Variants in GTF2IRD2 observed in about 807,000 individuals in gnomAD.
GTF2IRD2 encodes GTF2I repeat domain containing 2.
Under a neutral mutation model 49.2 loss-of-function variants are expected in GTF2IRD2, and 8 were observed. The observed-to-expected ratio is 0.16, with a 90% CI of 0.10 to 0.29. GTF2IRD2 has a LOEUF of 0.29. Among genes scored for constraint, GTF2IRD2 ranks in the 10% least tolerant of loss-of-function variants. GTF2IRD2 has a pLI of 1.00. For missense variants in GTF2IRD2, 130 were observed against 725.7 expected, an observed-to-expected ratio of 0.18 and a Z score of 9.43; for synonymous variants, 47 against 289.7, an observed-to-expected ratio of 0.16 and a Z score of 8.51.
chr7:74,842,644 G>C (rs1160577221), intron 1 of GTF2IRD2, among the ~76,000 whole-genome samples: 1 of 143,312 alleles, frequency 7.0e-6, no homozygotes, highest in African/African-American at 2.7e-5. Flanking sequence ...CTGTAGCCTT[G>C]ACCTCCTGGG....
chr7:74,829,720 C>CAA (rs1156848156), intron 3 of GTF2IRD2, among the ~76,000 whole-genome samples: 10 of 88,294 alleles, frequency 1.1e-4, no homozygotes, highest in African/African-American at 4.3e-4. Flanking sequence ...TCTCAAAATA[C>CAA]AAAAAAAAAA....
At chr7:74,831,227 C>T (rs1554420338) in intron 3 of GTF2IRD2, among the ~76,000 whole-genome samples, 1 of 150,626 alleles carries the variant, frequency 6.6e-6, no homozygotes, top group Non-Finnish European at 1.5e-5. Flanking sequence ...TCTATCCATT[C>T]ATCTAATCTA....
chr7:74,829,747 G>C (rs1313343641), intron 3 of GTF2IRD2, among the ~76,000 whole-genome samples: 32 of 150,800 alleles, frequency 2.1e-4, no homozygotes, highest in Non-Finnish European at 4.4e-4. Context: ...AATTAGCTGG[G>C]CATGGTGGCA....
intron 3 of GTF2IRD2, among the ~76,000 whole-genome samples, chr7:74,825,760 G>A (rs587612661): frequency 7.1e-4 from 106 of 149,994 alleles, no homozygotes; most frequent in African/African-American, 2.5e-3. Flanking sequence ...TTTTTTTTTT[G>A]TATCAATGTA....
chr7:74,842,216 A>AT (rs1156571491), intron 1 of GTF2IRD2, among the ~76,000 whole-genome samples: 2 of 128,100 alleles, frequency 1.6e-5, no homozygotes, highest in South Asian at 2.7e-4. Flanking sequence ...AGTACACTTT[A>AT]TTTTTTTTAA....
chr7:74,831,062 C>T lies in GTF2IRD2; in HGVS notation c.238+1743G>A, dbSNP rs587636443. Among the ~76,000 whole-genome samples the T allele has an allele frequency of 9.4e-5, 14 of 148,952 alleles. No individual in the cohort carries two copies. The East Asian group carries it at 2.6e-3, about 27-fold the overall frequency. On this transcript the variant is annotated intron_variant, in intron 3 of 15. Transcript: ENST00000451013. The stretch of plus-strand genomic sequence containing the variant: ...CTGACATTAATGAATTGAGAATACC[C>T]TTCTTGTGTATCAATTACATACTGT...
chr7:74,823,179 GT>G (rs1239366851), intron 4 of GTF2IRD2, among the ~76,000 whole-genome samples: 1 of 48,344 alleles, frequency 2.1e-5, no homozygotes. Flanking sequence ...GCCCAGCCTA[GT>G]TTTTTTTGTT....
rs1488631016 is a variant in GTF2IRD2 at position 74,829,894 on chromosome 7, A to AC, written c.238+2910_238+2911insG. On this transcript the variant is annotated intron_variant, in intron 3 of 15. Transcript: ENST00000451013. ...TAGAGCGAGATTCTGTCTCAAAAAA[A>AC]AAAAAAAATTCATATGGAACACCAA... is the stretch of plus-strand genomic sequence containing the variant. 5.6e-3 allele frequency among the ~76,000 whole-genome samples: 816 copies of AC among 144,828 alleles called. 18 individuals carry two copies. Among genetic ancestry groups the AC allele is most frequent in the Middle Eastern group, 0.014 (4 of 282 alleles).
At chr7:74,822,048 T>G in intron 6 of GTF2IRD2, 1 of 347,678 alleles carries the variant, frequency 2.9e-6, no homozygotes, top group Non-Finnish European at 5.5e-6. Context: ...AAATTCAAGT[T>G]TTGTTTTTTT....
chr7:74,831,543 A>ACACACACACACC (rs1204677476), intron 3 of GTF2IRD2, among the ~76,000 whole-genome samples: 11 of 140,896 alleles, frequency 7.8e-5, no homozygotes, highest in African/African-American at 2.8e-4. Context: ...ACACACACAC[A>ACACACACACACC]CCCTTATACC....
intron 8 of GTF2IRD2, among the ~76,000 whole-genome samples, chr7:74,818,458 C>CTTTT (rs782068970): frequency 7.7e-6 from 1 of 129,488 alleles, no homozygotes; most frequent in African/African-American, 3.0e-5. Flanking sequence ...CTCTCTCTCT[C>CTTTT]TTTTTTTTTT....
chr7:74,842,527 A>G (rs1392638688), intron 1 of GTF2IRD2, among the ~76,000 whole-genome samples: 1 of 142,116 alleles, frequency 7.0e-6, no homozygotes, highest in Non-Finnish European at 1.5e-5. Flanking sequence ...CACTATGCCC[A>G]CCCCTATTTT....
intron 3 of GTF2IRD2, among the ~76,000 whole-genome samples, chr7:74,829,921 G>A (rs1424162188): frequency 6.8e-6 from 1 of 146,408 alleles, no homozygotes; most frequent in East Asian, 2.0e-4. Context: ...GAACACCAAG[G>A]GACTCTGAAT....
chr7:74,798,433 C>G (rs587667568), intron 15 of GTF2IRD2, among the ~76,000 whole-genome samples, 168 bp from the exon 16 acceptor site: 125 of 151,818 alleles, frequency 8.2e-4, no homozygotes, highest in African/African-American at 2.9e-3. Flanking sequence ...TGACCCTCAA[C>G]TCCAGCAAAC....
chr7:74,840,812 T>C (rs1363801277), intron 1 of GTF2IRD2, among the ~76,000 whole-genome samples: 1 of 139,608 alleles, frequency 7.2e-6, no homozygotes, highest in African/African-American at 2.9e-5. Context: ...ATCTTGTCTA[T>C]TGAAGAAGAT....
chr7:74,824,114 C>T (rs1269982630), intron 4 of GTF2IRD2, among the ~76,000 whole-genome samples: 4 of 122,162 alleles, frequency 3.3e-5, no homozygotes, highest in Non-Finnish European at 6.8e-5. Context: ...TGCAGTGAGC[C>T]GAGATTGAGC....
At chr7:74,830,582 G>C (rs1554420280) in intron 3 of GTF2IRD2, among the ~76,000 whole-genome samples, 1 of 146,362 alleles carries the variant, frequency 6.8e-6, no homozygotes, top group East Asian at 2.0e-4. Flanking sequence ...TGTGGAGGCA[G>C]CTGGAGGCCA....
intron 3 of GTF2IRD2, among the ~76,000 whole-genome samples, chr7:74,829,887 C>CAAAAAAAAAAAA (rs1554420189): frequency 4.3e-4 from 26 of 59,788 alleles, no homozygotes; most frequent in African/African-American, 1.2e-3. Context: ...GATTCTGTCT[C>CAAAAAAAAAAAA]AAAAAAAAAA....
chr7:74,844,844 T>C (rs1239471514), intron 1 of GTF2IRD2, among the ~76,000 whole-genome samples: 14 of 80,570 alleles, frequency 1.7e-4, no homozygotes, highest in African/African-American at 4.9e-4. Flanking sequence ...CGTGCCATCA[T>C]GCCCAGCTCA....
Sources: gnomAD v4.1 joint callset for allele counts (sites outside exome capture counted in the v4.1 genomes callset) on GRCh38, gnomAD v4.1.1 for gene constraint, MANE v1.5 for transcripts, NCBI Gene and HGNC (gene_info 2026-07-23, HGNC 2026-07-21) for gene names.